PDE1A: variants seen among roughly 807,000 people sequenced by gnomAD.
PDE1A encodes the protein dual specificity calcium/calmodulin-dependent 3',5'-cyclic nucleotide phosphodiesterase 1A.
In PDE1A, 35 loss-of-function variants were observed where a neutral mutation model predicts 61.7. The ratio of observed to expected loss-of-function variants is 0.57; its 90% confidence interval spans 0.43 to 0.75. The LOEUF is 0.75. Among genes scored for constraint, PDE1A ranks in the 30% least tolerant of loss-of-function variants. PDE1A has a pLI of 0.00. For missense variants in PDE1A, 597 were observed against 630.6 expected (o/e 0.95, Z 0.57); for synonymous variants, 232 against 213.2 (o/e 1.09, Z -0.77).
the PDE1A span, among the ~76,000 whole-genome samples, chr2:182,631,080 G>A: frequency 6.6e-6 from 1 of 151,988 alleles, no homozygotes; most frequent in African/African-American, 2.4e-5. Flanking sequence ...TGGAAGCTGA[G>A]AAGTCCTACA....
At chr2:182,588,175 C>T in the PDE1A span, among the ~76,000 whole-genome samples, 1 of 152,156 alleles carries the variant, frequency 6.6e-6, no homozygotes, top group African/African-American at 2.4e-5. Context: ...AATTCATTTC[C>T]TTCTCATCAT....
At chr2:182,589,303 GGAAGGAA>G in the PDE1A span, among the ~76,000 whole-genome samples, 1 of 129,520 alleles carries the variant, frequency 7.7e-6, no homozygotes, top group African/African-American at 2.7e-5. Flanking sequence ...AAGGAAGGAA[GGAAGGAA>G]AAAGAGGTAT....
chr2:182,647,732 T>C, the PDE1A span, among the ~76,000 whole-genome samples: 2 of 152,316 alleles, frequency 1.3e-5, no homozygotes, highest in Middle Eastern at 3.4e-3. Context: ...ATCATCTTGG[T>C]GGCTACAATT....
intron 13 of PDE1A, among the ~76,000 whole-genome samples, chr2:182,155,509 T>A (rs552559919): frequency 6.6e-6 from 1 of 152,320 alleles, no homozygotes; most frequent in Admixed American, 6.5e-5. Flanking sequence ...GATAAACATG[T>A]ATAATTCATC....
At chr2:182,538,128 C>G in the PDE1A span, among the ~76,000 whole-genome samples, 1 of 152,162 alleles carries the variant, frequency 6.6e-6, no homozygotes, top group Non-Finnish European at 1.5e-5. Flanking sequence ...CCTCTGCCAG[C>G]ACCTGCCTCC....
chr2:182,370,943 C>T (rs186452428), intron 1 of PDE1A, among the ~76,000 whole-genome samples: 71 of 152,134 alleles, frequency 4.7e-4, no homozygotes, highest in South Asian at 2.5e-3. Context: ...AGAAAAACTG[C>T]GAAAAGAGGC....
chr2:182,357,247 CAGAG>C (rs1186020911), intron 1 of PDE1A, among the ~76,000 whole-genome samples: 5 of 146,078 alleles, frequency 3.4e-5, no homozygotes, highest in South Asian at 2.2e-4. Context: ...CAATGAACTA[CAGAG>C]AGAGAGAGAG....
At chr2:182,314,123 A>G (rs549765566) in intron 1 of PDE1A, among the ~76,000 whole-genome samples, 1 of 152,352 alleles carries the variant, frequency 6.6e-6, no homozygotes, top group African/African-American at 2.4e-5. Context: ...GCCAGACTAA[A>G]AGCAAACCCA....
At chr2:182,174,395 TAAC>T (rs1692533970) in intron 13 of PDE1A, among the ~76,000 whole-genome samples, 1 of 152,084 alleles carries the variant, frequency 6.6e-6, no homozygotes, top group Non-Finnish European at 1.5e-5. Context: ...ATTGTTCCAA[TAAC>T]AACTTTTTCA....
At chr2:182,597,381 C>G in the PDE1A span, among the ~76,000 whole-genome samples, 1 of 152,036 alleles carries the variant, frequency 6.6e-6, no homozygotes, top group Non-Finnish European at 1.5e-5. Context: ...GGAAATATAT[C>G]TGAATGGTGC....
At chr2:182,564,571 C>G in the PDE1A span, among the ~76,000 whole-genome samples, 411 of 152,226 alleles carry the variant, frequency 2.7e-3, 2 homozygotes, top group African/African-American at 9.3e-3. Context: ...GTGGCGTTCT[C>G]TGTATTTCCT....
At chr2:182,335,212 A>G (rs938261362) in intron 1 of PDE1A, among the ~76,000 whole-genome samples, 3 of 152,208 alleles carry the variant, frequency 2.0e-5, no homozygotes, top group African/African-American at 7.2e-5. Context: ...TATAAGTTCA[A>G]TGCTATCCCC....
the PDE1A span, among the ~76,000 whole-genome samples, chr2:182,624,296 T>G: frequency 6.6e-6 from 1 of 152,152 alleles, no homozygotes; most frequent in African/African-American, 2.4e-5. Context: ...AAGGCACAGG[T>G]GGGCACCTCT....
At chr2:182,522,594 A>G (rs1381534397) in intron 1 of PDE1A, 3 of 1,356,082 alleles carry the variant, frequency 2.2e-6, no homozygotes, top group African/African-American at 2.9e-5. Context: ...CTAAGCAGAC[A>G]GCAGTATAAA....
intron 13 of PDE1A, among the ~76,000 whole-genome samples, chr2:182,149,031 T>C (rs1219876569): frequency 6.6e-6 from 1 of 152,134 alleles, no homozygotes; most frequent in Non-Finnish European, 1.5e-5. Flanking sequence ...CAAAAATCAG[T>C]TTTTTTCTGA....
chr2:182,431,209 A>G (rs747389026), upstream of PDE1A, among the ~76,000 whole-genome samples: 103 of 150,020 alleles, frequency 6.9e-4, no homozygotes, highest in Non-Finnish European at 1.3e-3. Flanking sequence ...CTTGTGTATG[A>G]TTAGAGTACC....
intron 1 of PDE1A, among the ~76,000 whole-genome samples, chr2:182,354,606 A>G (rs767860685): frequency 3.3e-5 from 5 of 152,174 alleles, no homozygotes; most frequent in Non-Finnish European, 7.4e-5. Context: ...AGTGAAAAAC[A>G]TCTATGGCAA....
At chr2:182,617,025 C>G in the PDE1A span, among the ~76,000 whole-genome samples, 2 of 152,186 alleles carry the variant, frequency 1.3e-5, no homozygotes, top group Non-Finnish European at 2.9e-5. Context: ...CTTGCCCAAA[C>G]AGAGGTTTGA....
chr2:182,161,170 A>G (rs1213145941), intron 13 of PDE1A, among the ~76,000 whole-genome samples: 1 of 152,160 alleles, frequency 6.6e-6, no homozygotes, highest in African/African-American at 2.4e-5. Flanking sequence ...ATGCATATAC[A>G]TACCCTAAAA....
Sources: allele counts gnomAD v4.1 joint callset (sites outside exome capture counted in the v4.1 genomes callset), GRCh38; gene constraint gnomAD v4.1.1; transcripts MANE v1.5; gene names NCBI Gene and HGNC (gene_info 2026-07-23, HGNC 2026-07-21).